Variants in ANKS1B observed in about 807,000 individuals in gnomAD.
ANKS1B encodes the protein ankyrin repeat and sterile alpha motif domain-containing protein 1B.
Under a neutral mutation model 148.3 loss-of-function variants are expected in ANKS1B, and 36 were observed. The ratio of observed to expected loss-of-function variants is 0.24; its 90% CI spans 0.19 to 0.32. ANKS1B has a LOEUF of 0.32. Among genes scored for constraint, ANKS1B ranks in the 10% least tolerant of loss-of-function variants. The pLI, the probability that ANKS1B is intolerant of heterozygous loss-of-function variation, is 1.00. For synonymous variants in ANKS1B, 542 were observed against 560.8 expected (o/e 0.97, Z 0.47); for missense variants, 1,157 against 1,542.6 (o/e 0.75, Z 4.19).
In ANKS1B at chr12:99,084,205, T is replaced by C. The variant is rs117912343; in HGVS notation, c.2625+720A>G. Among the ~76,000 whole-genome samples, 613 of 152,242 alleles carry C rather than the reference T, an allele frequency of 4.0e-3. 24 individuals are homozygous for C. In the East Asian group the frequency reaches 0.085, roughly 21 times the overall value. On this transcript the variant is annotated intron_variant, in intron 16 of 26. Coordinates refer to ENST00000683438, the MANE Select transcript of ANKS1B (RefSeq NM_001352186.2). Reference sequence around the variant, plus strand: ...GTAGGGACCATGGAGGATAAGTCTATGGAGTTGTTGCAGGAGATATCGTCT... The same window carrying C: ...GTAGGGACCATGGAGGATAAGTCTACGGAGTTGTTGCAGGAGATATCGTCT...
intron 8 of ANKS1B, among the ~76,000 whole-genome samples, chr12:99,741,722 A>T (rs2060132737): frequency 6.6e-6 from 1 of 152,000 alleles, no homozygotes; most frequent in African/African-American, 2.4e-5. Context: ...AGGGAGGGGA[A>T]CATCACACAC....
In ANKS1B at chr12:98,953,537, G is replaced by GTTTTTTTTTTT. The variant is rs1166158783; in HGVS notation, c.2778+99609_2778+99619dup. On this transcript the variant is annotated intron_variant, in intron 17 of 26. Coordinates refer to ENST00000683438, the MANE Select transcript of ANKS1B (RefSeq NM_001352186.2). ...CATGTCCATTTGAGAATCTAGAGTG[G>GTTTTTTTTTTT]TTTTTTTTTTTTTTTTTTTTTTTTT... Among the ~76,000 whole-genome samples, 68 of 57,456 alleles carry GTTTTTTTTTTT rather than the reference G, an allele frequency of 1.2e-3. 12 individuals carry two copies. Among genetic ancestry groups the GTTTTTTTTTTT allele is most frequent in the African/African-American group, 3.3e-3 (45 of 13,570 alleles). 37.7% of individuals were successfully genotyped at this position (57,456 alleles called of 152,430 possible). A position where few individuals can be genotyped will look rare whatever the true frequency, so the allele number is the denominator to read the frequency against.
At chr12:99,076,664 T>C (rs1167253179) in intron 16 of ANKS1B, among the ~76,000 whole-genome samples, 1 of 152,208 alleles carries the variant, frequency 6.6e-6, no homozygotes. Flanking sequence ...TGGGTTACCC[T>C]GGGGCCTTTC....
At chr12:98,782,480 T>G (rs143358944) in intron 22 of ANKS1B, among the ~76,000 whole-genome samples, 355 of 152,346 alleles carry the variant, frequency 2.3e-3, no homozygotes, top group African/African-American at 8.1e-3. Flanking sequence ...ATAGAAACTT[T>G]CTTGATTTAT....
chr12:98,969,758 A>G (rs1426326967), intron 17 of ANKS1B, among the ~76,000 whole-genome samples: 1 of 152,192 alleles, frequency 6.6e-6, no homozygotes, highest in Non-Finnish European at 1.5e-5. Context: ...TATTGTGCAC[A>G]GAGAACATCC....
At chr12:99,270,535 G>A (rs1266031067) in intron 12 of ANKS1B, among the ~76,000 whole-genome samples, 1 of 152,148 alleles carries the variant, frequency 6.6e-6, no homozygotes. Flanking sequence ...CATGTTAACT[G>A]TTGAATCCCT....
At chr12:98,787,885 A>C in intron 22 of ANKS1B, among the ~76,000 whole-genome samples, 1 of 148,762 alleles carries the variant, frequency 6.7e-6, no homozygotes, top group East Asian at 2.0e-4. Flanking sequence ...GCACCACTAC[A>C]CTCCAGCCTG....
chr12:99,694,198 G>A (rs1383078088), intron 8 of ANKS1B, among the ~76,000 whole-genome samples: 2 of 151,068 alleles, frequency 1.3e-5, no homozygotes, highest in Admixed American at 6.6e-5. Context: ...CACTTTGGGA[G>A]GCTGAGGTGG....
chr12:99,647,476 G>A (rs1250895145), intron 9 of ANKS1B, among the ~76,000 whole-genome samples: 1 of 152,190 alleles, frequency 6.6e-6, no homozygotes, highest in South Asian at 2.1e-4. Context: ...TGAGTATACA[G>A]AGAATGTATA....
intron 2 of ANKS1B, among the ~76,000 whole-genome samples, chr12:99,823,558 G>A (rs907429984): frequency 6.6e-6 from 1 of 152,036 alleles, no homozygotes; most frequent in East Asian, 1.9e-4. Flanking sequence ...CACCTGCTTC[G>A]GCCTCCCAAA....
chr12:99,538,392 A>G (rs2097093809), intron 9 of ANKS1B, among the ~76,000 whole-genome samples: 1 of 152,164 alleles, frequency 6.6e-6, no homozygotes, highest in Non-Finnish European at 1.5e-5. Context: ...ATCCATGAAC[A>G]CGGAATGTCT....
chr12:99,142,751 ACCCCACT>A (rs942177585), intron 15 of ANKS1B, among the ~76,000 whole-genome samples: 5 of 152,136 alleles, frequency 3.3e-5, no homozygotes, highest in Admixed American at 1.3e-4. Context: ...CACACCCTTT[ACCCCACT>A]CCCTGCAACA....
intron 15 of ANKS1B, among the ~76,000 whole-genome samples, chr12:99,128,525 C>T (rs2065099268): frequency 6.6e-6 from 1 of 152,100 alleles, no homozygotes; most frequent in South Asian, 2.1e-4. Context: ...AGGTGGAGCC[C>T]TTAGCCACAC....
chr12:99,687,148 TATC>T (rs2098654253), intron 8 of ANKS1B, among the ~76,000 whole-genome samples: 1 of 152,190 alleles, frequency 6.6e-6, no homozygotes, highest in Non-Finnish European at 1.5e-5. Context: ...GTTTTAAAGA[TATC>T]ATTTCATCAC....
rs1329931924 is a variant in ANKS1B, at chr12:98,974,845, A to T, written c.2778+78312T>A. Among the ~76,000 whole-genome samples, 3 of 148,680 alleles carry T rather than the reference A, an allele frequency of 2.0e-5. No homozygotes were observed. The East Asian group carries it at 6.0e-4, about 30-fold the overall frequency. On this transcript the variant is annotated intron_variant, in intron 17 of 26. Transcript: ENST00000683438. Reference sequence around the variant, plus strand: ...TTGCCTACCTTCCTTCCTTTCTTCCAGCTTTCCCTCCCTCTTTTCCTTCCT... The same window carrying T: ...TTGCCTACCTTCCTTCCTTTCTTCCTGCTTTCCCTCCCTCTTTTCCTTCCT...
rs144353065 is a variant in ANKS1B at position 99,168,878 on chromosome 12, A to G, written c.2420-14483T>C. On this transcript the variant is annotated intron_variant, in intron 14 of 26. Transcript: ENST00000683438. ...GAGATTGAGATAAATGTGTTATTTCAGGACACTGTCTGAAAACTGTCATAA... is the reference window on the plus strand; with the variant it reads ...GAGATTGAGATAAATGTGTTATTTCGGGACACTGTCTGAAAACTGTCATAA... Among the ~76,000 whole-genome samples, 33 of 152,336 alleles carry G rather than the reference A, an allele frequency of 2.2e-4. No homozygotes were observed. In the East Asian group the frequency reaches 6.2e-3, roughly 29 times the overall value.
chr12:99,316,310 C>T (rs1208899744), intron 12 of ANKS1B, among the ~76,000 whole-genome samples: 1 of 152,164 alleles, frequency 6.6e-6, no homozygotes, highest in Non-Finnish European at 1.5e-5. Flanking sequence ...GTTCCTGTTT[C>T]TCCACATCCT....
At chr12:98,765,119 A>G (rs2153452439) in intron 25 of ANKS1B, among the ~76,000 whole-genome samples, 1 of 152,348 alleles carries the variant, frequency 6.6e-6, no homozygotes, top group Admixed American at 6.5e-5. Flanking sequence ...TGCTTCTGCT[A>G]TTCTCTGTGT....
At chr12:99,508,142 T>C (rs747115495) in intron 9 of ANKS1B, among the ~76,000 whole-genome samples, 9 of 151,958 alleles carry the variant, frequency 5.9e-5, no homozygotes, top group Admixed American at 5.3e-4. Context: ...CTGAATTTCA[T>C]CTATTTTCAG....
Sources: gnomAD v4.1 joint callset for allele counts (sites outside exome capture counted in the v4.1 genomes callset) on GRCh38, gnomAD v4.1.1 for gene constraint, MANE v1.5 for transcripts, NCBI Gene and HGNC (gene_info 2026-07-23, HGNC 2026-07-21) for gene names.